Variants in MAG observed in about 807,000 individuals in gnomAD.
MAG encodes the protein myelin-associated glycoprotein.
Under a neutral mutation model 60.7 loss-of-function variants are expected in MAG, and 30 were observed. That is an observed-to-expected ratio of 0.49 (90% CI 0.37 to 0.67). The LOEUF is 0.67. Among genes scored for constraint, MAG ranks in the 30% least tolerant of loss-of-function variants. The pLI is 0.00. For missense variants in MAG, 795 were observed against 851.7 expected, an observed-to-expected ratio of 0.93 and a Z score of 0.83; for synonymous variants, 384 against 376.8, an observed-to-expected ratio of 1.02 and a Z score of -0.22.
chr19:35,309,540 A>G (rs939595809), intron 7 of MAG, among the ~76,000 whole-genome samples: 6 of 152,044 alleles, frequency 3.9e-5, no homozygotes, highest in East Asian at 1.9e-4. Flanking sequence ...TCGGCCTCGC[A>G]AAGTGCTAGG....
chr19:35,313,283 C>G lies in MAG; in HGVS notation c.1717-7C>G. ...GGACCCTGCTAATGGGCGGTTTCCC[C>G]TCTTAGAGCGAGAGGCGCCTGGGAT... On this transcript the variant is annotated splice_polypyrimidine_tract_variant and splice_region_variant and intron_variant, in intron 10 of 10. Coordinates refer to ENST00000392213, the MANE Select transcript of MAG (RefSeq NM_002361.4). 3 of 1,612,278 alleles carry G rather than the reference C, an allele frequency of 1.9e-6. No individual in the cohort carries two copies. The highest frequency in any genetic ancestry group is 2.5e-6 in the Non-Finnish European group (3 of 1,179,202).
intron 7 of MAG, among the ~76,000 whole-genome samples, chr19:35,305,362 G>T (rs556909731): frequency 2.0e-5 from 3 of 152,362 alleles, no homozygotes; most frequent in Non-Finnish European, 4.4e-5. Flanking sequence ...CATGCAGGAA[G>T]TGTGCAACCT....
At chr19:35,300,516 C>G in intron 6 of MAG, 112 bp downstream of exon 6, 1 of 1,348,920 alleles carries the variant, frequency 7.4e-7, no homozygotes, top group East Asian at 2.6e-5. Context: ...CGGCCATAAA[C>G]AGTCGAGGCC....
intron 10 of MAG, 98 bp downstream of exon 10, chr19:35,312,115 C>T (rs1265040918): frequency 9.2e-6 from 12 of 1,304,808 alleles, no homozygotes; most frequent in Middle Eastern, 3.7e-4. Context: ...GGAGTGGGAG[C>T]GGCCTCTCAC....
chr19:35,298,686 C>T (rs2066421999), intron 4 of MAG, among the ~76,000 whole-genome samples: 2 of 147,828 alleles, frequency 1.4e-5, no homozygotes, highest in Non-Finnish European at 3.0e-5. Context: ...ACACCGCATA[C>T]ACACCACATA....
rs1599646885 is a variant in MAG, at chr19:35,295,551, A to G, written c.47-62A>G. 6.2e-7 allele frequency: 1 copy of G among 1,600,512 alleles called. No homozygotes were observed. The highest frequency in any genetic ancestry group is 2.2e-5 in the East Asian group (1 of 44,726). On this transcript the variant is annotated intron_variant, in intron 3 of 10. Transcript: ENST00000392213. The surrounding 1 kb of genome is among the most constrained non-coding windows in gnomAD (Gnocchi z 5.8). ...CCCCCGGCATGTGGTTGGGGATGGGAGCCGGAGGGGGTGATCGGGTAGGAC... is the reference window on the plus strand; with the variant it reads ...CCCCCGGCATGTGGTTGGGGATGGGGGCCGGAGGGGGTGATCGGGTAGGAC...
chr19:35,303,610 G>T (rs554933897), intron 7 of MAG, among the ~76,000 whole-genome samples: 2 of 152,274 alleles, frequency 1.3e-5, no homozygotes, highest in Non-Finnish European at 2.9e-5. Flanking sequence ...TACACAAAAG[G>T]CTGTGCGGCT....
chr19:35,308,617 A>G (rs1755949968), intron 7 of MAG, among the ~76,000 whole-genome samples: 1 of 152,214 alleles, frequency 6.6e-6, no homozygotes, highest in South Asian at 2.1e-4. Flanking sequence ...TGACAGATTT[A>G]CCGTCCTCTG....
At chr19:35,312,224 C>G (rs1286245234) in intron 10 of MAG, 1 of 1,540,082 alleles carries the variant, frequency 6.5e-7, no homozygotes, top group Non-Finnish European at 9.0e-7. Context: ...GACGTGGGGC[C>G]TAAGGGCCCC....
At position 35,293,830 on chromosome 19, in the gene MAG, G is replaced by A. The variant is rs559731614; in HGVS notation, c.-79-405G>A. On this transcript the variant is annotated intron_variant, in intron 1 of 10. Coordinates refer to ENST00000392213, the MANE Select transcript of MAG (RefSeq NM_002361.4). The surrounding 1 kb of genome is among the most constrained non-coding windows in gnomAD (Gnocchi z 4.0). ...GGTGAGGGTGCGGACACCAGGGGCC[G>A]TCTGTGGGGTGGGAGAGGGCGGCAG... Among the ~76,000 whole-genome samples the A allele has an allele frequency of 5.1e-4, 78 of 152,172 alleles. No individual in the cohort carries two copies. The highest frequency in any genetic ancestry group is 1.3e-3 in the African/African-American group (53 of 41,506).
chr19:35,300,844 C>A (rs1402171802), intron 6 of MAG, among the ~76,000 whole-genome samples: 1 of 152,220 alleles, frequency 6.6e-6, no homozygotes, highest in Non-Finnish European at 1.5e-5. Context: ...AGCCTACTAC[C>A]CCAGCCTCCT....
intron 7 of MAG, among the ~76,000 whole-genome samples, chr19:35,304,115 C>T (rs2066467541): frequency 1.3e-5 from 2 of 152,198 alleles, no homozygotes; most frequent in South Asian, 2.1e-4. Flanking sequence ...ATGGCAGATA[C>T]AGGTTAGTCC....
chr19:35,302,189 G>T (rs1409887941), intron 6 of MAG, among the ~76,000 whole-genome samples: 1 of 152,182 alleles, frequency 6.6e-6, no homozygotes, highest in Non-Finnish European at 1.5e-5. Context: ...TTCCAGATGA[G>T]AAAAATGAGG....
At chr19:35,303,559 C>G (rs906624417) in intron 7 of MAG, among the ~76,000 whole-genome samples, 1 of 152,140 alleles carries the variant, frequency 6.6e-6, no homozygotes, top group African/African-American at 2.4e-5. Context: ...TGACCTCATC[C>G]TATGTTATGA....
intron 6 of MAG, 97 bp from the exon 7 acceptor site, chr19:35,302,350 GT>G: frequency 6.8e-7 from 1 of 1,463,658 alleles, no homozygotes; most frequent in Non-Finnish European, 9.3e-7. Flanking sequence ...GGTGTGCTAG[GT>G]TTGGGGTGGG....
chr19:35,298,013 C>T (rs893399818), intron 4 of MAG, among the ~76,000 whole-genome samples: 36 of 149,332 alleles, frequency 2.4e-4, no homozygotes, highest in East Asian at 1.8e-3. Context: ...ATACTACCCA[C>T]GCACCACACA....
At chr19:35,298,910 C>G (rs2066424255) in intron 4 of MAG, among the ~76,000 whole-genome samples, 1 of 151,120 alleles carries the variant, frequency 6.6e-6, no homozygotes, top group South Asian at 2.1e-4. Context: ...ACACAAACCA[C>G]ACATCACACA....
Position 35,310,623 on chromosome 19 carries a change from C to G in MAG, c.1596C>G (p.Tyr532Ter). The change falls in exon 9 of 11, where the codon TAC becomes TAG. Residue 532 changes from tyrosine to a stop codon, truncating the protein, a stop_gained. Transcript: ENST00000392213. LOFTEE classifies it high-confidence loss of function. The stretch of plus-strand genomic sequence containing the variant: ...CCATCCTGATTGCCATCGTCTGCTA[C>G]ATTACCCAGACACGCAGGAAGTGAG... The part of the protein sequence containing the change: ...AFAILIAIVC[Y>*]ITQTRRKKNV... 6.2e-7 allele frequency: 1 copy of G among 1,614,096 alleles called. No individual in the cohort carries two copies.
intron 4 of MAG, among the ~76,000 whole-genome samples, chr19:35,297,371 T>C (rs1206885919): frequency 1.1e-4 from 9 of 84,326 alleles, no homozygotes; most frequent in Admixed American, 3.7e-4. Flanking sequence ...ACACACTGCA[T>C]ACGCTACACA....
Sources: gnomAD v4.1 joint callset for allele counts (sites outside exome capture counted in the v4.1 genomes callset) on GRCh38, gnomAD v4.1.1 for gene constraint, Gnocchi (gnomAD v3.1) non-coding constraint, MANE v1.5 for transcripts, NCBI Gene and HGNC (gene_info 2026-07-23, HGNC 2026-07-21) for gene names.